The following CABIN1 variants were observed in gnomAD, a reference collection of about 807,000 sequenced individuals.
CABIN1 encodes calcineurin-binding protein cabin-1.
A neutral mutation model predicts 227.7 loss-of-function variants in CABIN1; 133 were observed. The observed-to-expected ratio is 0.58, with a 90% confidence interval of 0.51 to 0.67. The LOEUF is 0.67. Among genes scored for constraint, CABIN1 ranks in the 30% least tolerant of loss-of-function variants. The pLI is 0.00. For synonymous variants in CABIN1, 1,086 were observed against 1,155.1 expected (o/e 0.94, Z 1.21); for missense variants, 2,408 against 2,852.5 (o/e 0.84, Z 3.55).
At chr22:24,133,464 G>T (rs2044200740) in intron 28 of CABIN1, among the ~76,000 whole-genome samples, 1 of 152,250 alleles carries the variant, frequency 6.6e-6, no homozygotes, top group African/African-American at 2.4e-5. Flanking sequence ...CCTGCGCCCA[G>T]CGCTGGGAAA....
chr22:24,033,607 CG>C (rs1394135329), intron 1 of CABIN1, among the ~76,000 whole-genome samples: 3 of 152,174 alleles, frequency 2.0e-5, no homozygotes, highest in African/African-American at 7.2e-5. Context: ...CCCTCCCTGA[CG>C]TATTTGGTAG....
chr22:24,117,098 T>C (rs958072383), intron 27 of CABIN1, among the ~76,000 whole-genome samples: 8 of 152,234 alleles, frequency 5.3e-5, no homozygotes, highest in African/African-American at 1.9e-4. Flanking sequence ...TCTAGTGACC[T>C]GTGAGGCCTG....
At chr22:24,123,144 C>T (rs976621200) in intron 28 of CABIN1, among the ~76,000 whole-genome samples, 1 of 152,272 alleles carries the variant, frequency 6.6e-6, no homozygotes, top group Non-Finnish European at 1.5e-5. Flanking sequence ...CAGCCATCCC[C>T]ACCCAGTAGC....
intron 19 of CABIN1, among the ~76,000 whole-genome samples, chr22:24,082,476 G>T (rs1412094761): frequency 6.6e-6 from 1 of 152,094 alleles, no homozygotes; most frequent in African/African-American, 2.4e-5. Context: ...CTGATATTTG[G>T]TGTTTGCTAT....
chr22:24,156,296 G>C (rs899040731), intron 29 of CABIN1, among the ~76,000 whole-genome samples: 1 of 152,114 alleles, frequency 6.6e-6, no homozygotes, highest in Non-Finnish European at 1.5e-5. Flanking sequence ...CCCCCGCGGA[G>C]GAAATCGGCC....
intron 27 of CABIN1, among the ~76,000 whole-genome samples, chr22:24,114,180 ATC>A (rs1025966901): frequency 3.5e-4 from 53 of 152,126 alleles, no homozygotes; most frequent in African/African-American, 1.2e-3. Context: ...TTCAGGAAAA[ATC>A]TCTCTTTTTT....
chr22:24,127,661 A>G (rs577702581), intron 28 of CABIN1, among the ~76,000 whole-genome samples: 1 of 152,268 alleles, frequency 6.6e-6, no homozygotes, highest in South Asian at 2.1e-4. Flanking sequence ...ATCAGACCCC[A>G]TTTCTTTGGC....
At chr22:24,030,250 G>A (rs943418801) in intron 1 of CABIN1, among the ~76,000 whole-genome samples, 1 of 152,142 alleles carries the variant, frequency 6.6e-6, no homozygotes, top group Non-Finnish European at 1.5e-5. Flanking sequence ...GCATGTCCAG[G>A]GGCAGGCAGG....
At chr22:24,083,883 G>A (rs947036745) in intron 20 of CABIN1, among the ~76,000 whole-genome samples, 2 of 152,180 alleles carry the variant, frequency 1.3e-5, no homozygotes, top group African/African-American at 2.4e-5. Flanking sequence ...TTTTTGTGTT[G>A]TTTTGGTTTT....
chr22:24,169,995 C>A, intron 33 of CABIN1: 1 of 385,072 alleles, frequency 2.6e-6, no homozygotes, highest in Non-Finnish European at 5.3e-6. Flanking sequence ...CCAGGGGACC[C>A]AGGTCCTTAC....
chr22:24,127,235 T>G (rs2043787476), intron 28 of CABIN1, among the ~76,000 whole-genome samples: 1 of 152,062 alleles, frequency 6.6e-6, no homozygotes, highest in Non-Finnish European at 1.5e-5. Flanking sequence ...AGAGTAGGAA[T>G]TCACAAGGGA....
chr22:24,155,428 C>T (rs941504041), intron 29 of CABIN1, among the ~76,000 whole-genome samples: 9 of 152,120 alleles, frequency 5.9e-5, no homozygotes, highest in African/African-American at 2.2e-4. Flanking sequence ...CTGCCTACTA[C>T]TCCCAACCCT....
intron 18 of CABIN1, among the ~76,000 whole-genome samples, chr22:24,075,311 A>G (rs564077794): frequency 6.6e-6 from 1 of 152,358 alleles, no homozygotes; most frequent in African/African-American, 2.4e-5. Context: ...ATAAGTCGTT[A>G]ATGGGTTATG....
At chr22:24,109,278 G>A (rs934985100) in intron 26 of CABIN1, among the ~76,000 whole-genome samples, 1 of 150,422 alleles carries the variant, frequency 6.6e-6, no homozygotes, top group African/African-American at 2.5e-5. Flanking sequence ...AGAGTGGAGT[G>A]CAGTGGCACT....
intron 29 of CABIN1, chr22:24,162,234 C>G (rs185409443): frequency 6.6e-6 from 1 of 152,250 alleles, no homozygotes; most frequent in Non-Finnish European, 1.5e-5. Context: ...ATCTGCACAC[C>G]GCCCCAGGCC....
rs530751839 is a variant in CABIN1 at position 24,074,412 on chromosome 22, C to T, written c.2633-1757C>T. 4.3e-4 allele frequency among the ~76,000 whole-genome samples: 66 copies of T among 152,196 alleles called. 1 individual carries two copies. The highest frequency in any genetic ancestry group is 6.8e-3 in the Middle Eastern group (2 of 294). ...AGATGTGGCTCTGTCTCTGCATGTC[C>T]CTCAGCAGGAGAACTGATGGAAGAT... On this transcript the variant is annotated intron_variant, in intron 18 of 36. Transcript: ENST00000263119.
chr22:24,023,737 GTT>G (rs201509795), intron 1 of CABIN1, among the ~76,000 whole-genome samples: 2 of 140,986 alleles, frequency 1.4e-5, no homozygotes, highest in Non-Finnish European at 3.1e-5. Context: ...TCATTTACCT[GTT>G]TTTTTTTTTT....
At chr22:24,099,412 AG>A (rs2042081927) in intron 26 of CABIN1, among the ~76,000 whole-genome samples, 2 of 152,126 alleles carry the variant, frequency 1.3e-5, no homozygotes, top group South Asian at 4.1e-4. Context: ...AGAGAGGCTG[AG>A]GATCTGAGTG....
chr22:24,070,957 C>T lies in CABIN1; in HGVS notation c.2390C>T (p.Ala797Val). Residue 797 changes from alanine to valine, a missense_variant, in exon 17 of 37, where the codon GCC becomes GTC. Around this residue, in one of 3 missense-constraint regions of CABIN1, gnomAD observed 1,045 missense variants for 1,168.4 expected, o/e 0.89. Transcript: ENST00000263119. ...VTQLLMGIEQ[A>V]LSADSSGSIL... ...CAACTGCTGATGGGCATCGAGCAGGCCCTCTCTGCGGACAGCAGTGGTAGC... is the reference window on the plus strand; with the variant it reads ...CAACTGCTGATGGGCATCGAGCAGGTCCTCTCTGCGGACAGCAGTGGTAGC... 1 of 1,614,214 alleles carries T rather than the reference C, an allele frequency of 6.2e-7. No homozygotes were observed. Among genetic ancestry groups the T allele is most frequent in the Non-Finnish European group, 8.5e-7 (1 of 1,180,040 alleles).
Sources: gnomAD v4.1 joint callset for allele counts (sites outside exome capture counted in the v4.1 genomes callset) on GRCh38, gnomAD v4.1.1 for gene constraint, gnomAD v4.1.1 regional missense constraint, MANE v1.5 for transcripts, NCBI Gene and HGNC (gene_info 2026-07-23, HGNC 2026-07-21) for gene names.